Variants in TTC8 observed in about 807,000 individuals in gnomAD.
TTC8 encodes the protein tetratricopeptide repeat domain 8.
Under a neutral mutation model 72.5 loss-of-function variants are expected in TTC8, and 47 were observed. The ratio of observed to expected loss-of-function variants is 0.65; its 90% CI spans 0.51 to 0.83. TTC8 has a LOEUF of 0.83. Among genes scored for constraint, TTC8 ranks in the 40% least tolerant of loss-of-function variants. The pLI is 0.00. For synonymous variants in TTC8, 199 were observed against 221.4 expected (o/e 0.90, Z 0.90); for missense variants, 611 against 623.2 (o/e 0.98, Z 0.21).
chr14:88,834,962 G>A (rs1176862709), intron 2 of TTC8, among the ~76,000 whole-genome samples: 1 of 152,158 alleles, frequency 6.6e-6, no homozygotes, highest in Admixed American at 6.5e-5. Context: ...TGATACAAAA[G>A]GGAACAAGGC....
Position 88,864,236 on chromosome 14 carries a change from A to T in TTC8, c.909+2904A>T, listed in dbSNP as rs1226522700. On this transcript the variant is annotated intron_variant, in intron 10 of 14. Coordinates refer to ENST00000380656, the MANE Select transcript of TTC8 (RefSeq NM_144596.4). ...AGAAAAACTATGATTTCCTTTTGAAATGTAATTTTTATAAATGTATAAATA... is the reference window on the plus strand; with the variant it reads ...AGAAAAACTATGATTTCCTTTTGAATTGTAATTTTTATAAATGTATAAATA... 2.6e-5 allele frequency among the ~76,000 whole-genome samples: 4 copies of T among 152,224 alleles called. No homozygotes were observed. The East Asian group carries it at 7.7e-4, about 29-fold the overall frequency.
At chr14:88,842,497 CCTTT>C (rs1023055704) in intron 6 of TTC8, among the ~76,000 whole-genome samples, 12 of 152,120 alleles carry the variant, frequency 7.9e-5, no homozygotes, top group Non-Finnish European at 1.2e-4. Context: ...TCCTTACTTC[CCTTT>C]CTTTTATGAG....
At chr14:88,858,533 A>G (rs939071448) in intron 9 of TTC8, among the ~76,000 whole-genome samples, 1 of 152,150 alleles carries the variant, frequency 6.6e-6, no homozygotes, top group Admixed American at 6.5e-5. Context: ...AATGACTTTC[A>G]AAAATGTTTG....
intron 7 of TTC8, among the ~76,000 whole-genome samples, chr14:88,848,171 A>G (rs1276871514): frequency 6.6e-6 from 1 of 151,188 alleles, no homozygotes; most frequent in African/African-American, 2.4e-5. Context: ...TTTTTGAAAA[A>G]TTTTTATGAC....
At chr14:88,869,963 A>T in intron 10 of TTC8, 96 bp from the exon 11 acceptor site, 1 of 1,255,076 alleles carries the variant, frequency 8.0e-7, no homozygotes, top group South Asian at 1.2e-5. Flanking sequence ...CTCTCAATAA[A>T]TACTTATTGA....
chr14:88,840,860 C>G lies in TTC8; in HGVS notation c.266-5C>G, dbSNP rs982758929. On this transcript the variant is annotated splice_region_variant and splice_polypyrimidine_tract_variant and intron_variant, in intron 3 of 14. Coordinates refer to ENST00000380656, the MANE Select transcript of TTC8 (RefSeq NM_144596.4). ...ATAAATTGTATTAGCCATCTTGTCT[C>G]CTAGGCCCTGGAACGTCTTTGAAAC... 2 of 1,613,814 alleles carry G rather than the reference C, an allele frequency of 1.2e-6. No individual in the cohort carries two copies. The highest frequency in any genetic ancestry group is 2.7e-5 in the African/African-American group (2 of 74,894).
chr14:88,880,593 T>C (rs2094970045), downstream of TTC8: 1 of 152,194 alleles, frequency 6.6e-6, no homozygotes, highest in African/African-American at 2.4e-5. Flanking sequence ...AAGAATTTTG[T>C]TTTCTTTTTA....
chr14:88,852,767 C>T (rs1045283254), intron 7 of TTC8, among the ~76,000 whole-genome samples: 5 of 152,036 alleles, frequency 3.3e-5, no homozygotes, highest in African/African-American at 7.3e-5. Context: ...GTGTTTTTAT[C>T]TCATCTGCTA....
At chr14:88,859,736 A>G (rs1028126275) in intron 9 of TTC8, among the ~76,000 whole-genome samples, 3 of 151,094 alleles carry the variant, frequency 2.0e-5, no homozygotes, top group Non-Finnish European at 4.4e-5. Flanking sequence ...CAGCCTGGAC[A>G]ACATAGTGAG....
intron 10 of TTC8, among the ~76,000 whole-genome samples, chr14:88,865,287 A>T (rs1487389919): frequency 6.6e-6 from 1 of 152,206 alleles, no homozygotes; most frequent in East Asian, 1.9e-4. Flanking sequence ...CTGAATCAGA[A>T]GTCCTGGAAG....
chr14:88,839,279 A>T (rs1455716258), intron 2 of TTC8, among the ~76,000 whole-genome samples, 173 bp from the exon 3 acceptor site: 6 of 151,952 alleles, frequency 3.9e-5, no homozygotes, highest in Non-Finnish European at 8.8e-5. Flanking sequence ...ATTAATAATG[A>T]TGGCTTCTTG....
At chr14:88,841,803 T>G (rs2094783041) in intron 6 of TTC8, among the ~76,000 whole-genome samples, 3 of 152,196 alleles carry the variant, frequency 2.0e-5, no homozygotes. Context: ...GAATGAAGCT[T>G]AAGAAGTCAT....
In TTC8 at chr14:88,834,537, G is replaced by A. The variant is rs546237726; in HGVS notation, c.144+815G>A. Among the ~76,000 whole-genome samples the A allele has an allele frequency of 3.9e-5, 6 of 152,226 alleles. No individual in the cohort carries two copies. The South Asian group carries it at 1.0e-3, about 26-fold the overall frequency. On this transcript the variant is annotated intron_variant, in intron 2 of 14. Transcript: ENST00000380656. Reference sequence around the variant, plus strand: ...ATATGTGTAATTAGCAAACCTTTTAGAATAAAAAGCAATTTACAAAGTACT... The same window carrying A: ...ATATGTGTAATTAGCAAACCTTTTAAAATAAAAAGCAATTTACAAAGTACT...
chr14:88,830,712 T>C (rs903416113), intron 1 of TTC8, among the ~76,000 whole-genome samples: 7 of 152,242 alleles, frequency 4.6e-5, no homozygotes, highest in Non-Finnish European at 1.0e-4. Context: ...ACTGCGCTGA[T>C]ACCTGTAGAA....
intron 7 of TTC8, among the ~76,000 whole-genome samples, chr14:88,849,145 A>G (rs558316213): frequency 4.9e-4 from 74 of 152,294 alleles, no homozygotes; most frequent in Middle Eastern, 3.4e-3. Context: ...TATTCTTTAA[A>G]TAATAATGAT....
rs1159647318 is a variant in TTC8, at chr14:88,871,338, A to G, written c.1050-211A>G. On this transcript the variant is annotated intron_variant, in intron 11 of 14. Coordinates refer to ENST00000380656, the MANE Select transcript of TTC8 (RefSeq NM_144596.4). The surrounding 1 kb of genome is among the most constrained non-coding windows in gnomAD (Gnocchi z 4.1). ...CAGTTGTTTGTCTTTGTCTCTAGAC[A>G]CATTCCCCATGACTAGTACCATTAT... Among the ~76,000 whole-genome samples, 2 of 152,218 alleles carry G rather than the reference A, an allele frequency of 1.3e-5. No homozygotes were observed. The highest frequency in any genetic ancestry group is 4.8e-5 in the African/African-American group (2 of 41,452).
chr14:88,824,905 C>A, intron 1 of TTC8, 84 bp downstream of exon 1: 1 of 1,337,650 alleles, frequency 7.5e-7, no homozygotes, highest in Non-Finnish European at 1.1e-6. Context: ...GGTTGGGAGG[C>A]CGGGGAGGAA....
intron 1 of TTC8, among the ~76,000 whole-genome samples, chr14:88,826,786 T>G (rs952556486): frequency 2.0e-5 from 3 of 152,154 alleles, no homozygotes; most frequent in Non-Finnish European, 4.4e-5. Context: ...CCATTTTAAT[T>G]TTTCCATTGA....
chr14:88,833,939 C>T, intron 2 of TTC8: 1 of 571,166 alleles, frequency 1.8e-6, no homozygotes. Context: ...ATAATGCAGT[C>T]TACTCATTGG....
Sources: gnomAD v4.1 joint callset for allele counts (sites outside exome capture counted in the v4.1 genomes callset) on GRCh38, gnomAD v4.1.1 for gene constraint, Gnocchi (gnomAD v3.1) non-coding constraint, MANE v1.5 for transcripts, NCBI Gene and HGNC (gene_info 2026-07-23, HGNC 2026-07-21) for gene names.